The following TUSC3 variants were observed in gnomAD, a reference collection of about 807,000 sequenced individuals.
TUSC3 encodes tumor suppressor candidate 3.
A neutral mutation model predicts 44.8 loss-of-function variants in TUSC3; 45 were observed. The observed-to-expected ratio is 1.00, with a 90% CI of 0.79 to 1.29. The LOEUF is 1.29. TUSC3 is among the 50% of genes most tolerant of loss of function. The probability of loss-of-function intolerance (pLI) is 0.00; values close to 1 mark genes in which losing one functional copy is unlikely to be tolerated. For missense variants in TUSC3, 519 were observed against 437.9 expected (o/e 1.19, Z -1.65); for synonymous variants, 212 against 152.9 (o/e 1.39, Z -2.85).
chr8:15,748,933 T>G, intron 9 of TUSC3: 1 of 361,922 alleles, frequency 2.8e-6, no homozygotes. Flanking sequence ...TCATTATAAA[T>G]CATCATAACG....
the TUSC3 span, chr8:15,806,998 T>C: frequency 1.4e-6 from 2 of 1,457,012 alleles, no homozygotes; most frequent in Non-Finnish European, 9.6e-7. Context: ...ATTCTTTACA[T>C]TTTCCAAAGA....
intron 6 of TUSC3, among the ~76,000 whole-genome samples, chr8:15,680,174 C>CAG (rs747156880): frequency 9.2e-5 from 14 of 151,868 alleles, no homozygotes; most frequent in Non-Finnish European, 1.2e-4. Context: ...TTGCTTTGGG[C>CAG]AGAATGGCGA....
At chr8:15,517,753 G>T (rs546469794) in intron 2 of TUSC3, among the ~76,000 whole-genome samples, 2 of 151,996 alleles carry the variant, frequency 1.3e-5, no homozygotes, top group South Asian at 4.1e-4. Context: ...TGGGCTTCAT[G>T]CTTTTTAAAT....
At chr8:15,521,245 C>T (rs1056697277) in intron 2 of TUSC3, among the ~76,000 whole-genome samples, 1 of 152,088 alleles carries the variant, frequency 6.6e-6, no homozygotes, top group Non-Finnish European at 1.5e-5. Flanking sequence ...TGCTTGAGTT[C>T]TTAGGGACGC....
intron 1 of TUSC3, among the ~76,000 whole-genome samples, chr8:15,619,214 C>G (rs1219204898): frequency 6.6e-6 from 1 of 152,080 alleles, no homozygotes. Flanking sequence ...CTTATTTTCA[C>G]TATGATTTGA....
intron 7 of TUSC3, 48 bp downstream of exon 7, chr8:15,730,777 CAT>C: frequency 6.4e-7 from 1 of 1,571,736 alleles, no homozygotes; most frequent in Non-Finnish European, 8.7e-7. Flanking sequence ...ACTAAAGCTA[CAT>C]GTTTTTAAAT....
chr8:15,458,224 G>A (rs1437615643), intron 1 of TUSC3, among the ~76,000 whole-genome samples: 2 of 152,050 alleles, frequency 1.3e-5, no homozygotes, highest in African/African-American at 4.8e-5. Flanking sequence ...TTTATAAAGT[G>A]CTTACATATG....
In TUSC3 at chr8:15,582,063, C is replaced by T. The variant is rs900736627; in HGVS notation, c.139-41017C>T. Among the ~76,000 whole-genome samples, 16 of 152,128 alleles carry T rather than the reference C, an allele frequency of 1.1e-4. No homozygotes were observed. In the East Asian group the frequency reaches 1.2e-3, roughly 11 times the overall value. ...AAGCGCAATATTCGGGTGGCAGTGA[C>T]CCGATTTTCCAGGTGCGTCTGTCAC... On this transcript the variant is annotated intron_variant, in intron 1 of 10. Transcript: ENST00000503731.
chr8:15,562,778 C>T (rs371482719), intron 1 of TUSC3, among the ~76,000 whole-genome samples: 7 of 152,266 alleles, frequency 4.6e-5, no homozygotes, highest in African/African-American at 1.7e-4. Flanking sequence ...AGGCAGTTCA[C>T]AGCATGGCTA....
At chr8:15,751,250 T>TA (rs1357243947) in intron 9 of TUSC3, among the ~76,000 whole-genome samples, 12 of 151,504 alleles carry the variant, frequency 7.9e-5, no homozygotes, top group East Asian at 7.8e-4. Flanking sequence ...GGAAGACAAT[T>TA]AAAAAAAAAC....
In TUSC3 at chr8:15,548,371, G is replaced by A. The variant is rs1020368469; in HGVS notation, c.138+7803G>A. Among the ~76,000 whole-genome samples, 4 of 151,764 alleles carry A rather than the reference G, an allele frequency of 2.6e-5. No homozygotes were observed. The East Asian group carries it at 7.8e-4, about 29-fold the overall frequency. On this transcript the variant is annotated intron_variant, in intron 1 of 10. Coordinates refer to ENST00000503731, the MANE Select transcript of TUSC3 (RefSeq NM_006765.4). ...TTATTTCAGCATCTTGCAAATTATT[G>A]TTTTAGAAGTGAGTATATGATACAG... is the stretch of plus-strand genomic sequence containing the variant.
intron 2 of TUSC3, among the ~76,000 whole-genome samples, chr8:15,520,385 G>A (rs1052430899): frequency 1.3e-5 from 2 of 152,174 alleles, no homozygotes; most frequent in African/African-American, 4.8e-5. Flanking sequence ...ACCTCTGAAA[G>A]CCTTCATCTC....
chr8:15,677,099 G>C (rs924566750), intron 6 of TUSC3, among the ~76,000 whole-genome samples: 20 of 152,026 alleles, frequency 1.3e-4, no homozygotes, highest in African/African-American at 4.8e-4. Flanking sequence ...GCTCACCGCA[G>C]CCTTGAACTC....
At chr8:15,512,389 C>G (rs915578028) in intron 2 of TUSC3, among the ~76,000 whole-genome samples, 2 of 152,186 alleles carry the variant, frequency 1.3e-5, no homozygotes, top group African/African-American at 4.8e-5. Context: ...AGAACTGCAC[C>G]TCTTCCTGAG....
intron 7 of TUSC3, among the ~76,000 whole-genome samples, chr8:15,741,678 C>G (rs1811203190): frequency 6.6e-6 from 1 of 150,992 alleles, no homozygotes; most frequent in South Asian, 2.1e-4. Context: ...CAAAGTGAAA[C>G]TGTGTCTCTA....
chr8:15,701,767 A>G (rs1236696293), intron 6 of TUSC3, among the ~76,000 whole-genome samples: 3 of 152,150 alleles, frequency 2.0e-5, no homozygotes, highest in Admixed American at 1.3e-4. Context: ...GGATTAGGCA[A>G]ATTCTGTGAT....
intron 1 of TUSC3, among the ~76,000 whole-genome samples, chr8:15,452,047 A>C (rs540988565): frequency 2.2e-4 from 34 of 152,326 alleles, no homozygotes; most frequent in African/African-American, 7.9e-4. Flanking sequence ...ACCACTCAGC[A>C]CCATCCCCAC....
At chr8:15,556,391 T>G (rs1802266983) in intron 1 of TUSC3, among the ~76,000 whole-genome samples, 1 of 151,188 alleles carries the variant, frequency 6.6e-6, no homozygotes, top group South Asian at 2.1e-4. Context: ...ATTTTCTTAA[T>G]CCAGTCTATC....
At chr8:15,732,452 C>T (rs1229365232) in intron 7 of TUSC3, among the ~76,000 whole-genome samples, 1 of 152,102 alleles carries the variant, frequency 6.6e-6, no homozygotes, top group Non-Finnish European at 1.5e-5. Flanking sequence ...CCATATGGAA[C>T]TGTGAGTCCG....
Sources: allele counts gnomAD v4.1 joint callset (sites outside exome capture counted in the v4.1 genomes callset), GRCh38; gene constraint gnomAD v4.1.1; transcripts MANE v1.5; gene names NCBI Gene and HGNC (gene_info 2026-07-23, HGNC 2026-07-21).